MEST: variants seen among roughly 807,000 people sequenced by gnomAD.
The protein encoded by MEST is mesoderm specific transcript.
Under a neutral mutation model 50.9 loss-of-function variants are expected in MEST, and 18 were observed. That is an observed-to-expected ratio of 0.35 (90% CI 0.24 to 0.52). The LOEUF is 0.52. MEST is among the 20% of genes least tolerant of loss of function. The probability of loss-of-function intolerance (pLI) is 0.94; values close to 1 mark genes in which losing one functional copy is unlikely to be tolerated. For synonymous variants in MEST, 130 were observed against 154.1 expected (o/e 0.84, Z 1.16); for missense variants, 282 against 425.3 (o/e 0.66, Z 2.96).
rs1298215544 is a variant in MEST at position 130,506,409 on chromosome 7, G to A, written c.*1353G>A. The A allele has an allele frequency of 6.3e-6, 1 of 159,342 alleles. No homozygotes were observed. Among genetic ancestry groups the A allele is most frequent in the African/African-American group, 2.7e-5 (1 of 36,670 alleles). The allele number at this position is 159,342 out of a possible 1,614,324, so 9.9% of individuals were successfully genotyped here. A position where few individuals can be genotyped will look rare whatever the true frequency, so the allele number is the denominator to read the frequency against. On this transcript the variant is annotated 3_prime_UTR_variant, in exon 12 of 12. Transcript: ENST00000223215. ...AATAAAATGAAGTTAAGCAGCTGGA[G>A]TATAGGATAGTATTTGATTTTCAAG...
Position 130,505,985 on chromosome 7 carries a change from A to AT in MEST, c.*931dup, listed in dbSNP as rs1454982465. On this transcript the variant is annotated 3_prime_UTR_variant, in exon 12 of 12. Coordinates refer to ENST00000223215, the MANE Select transcript of MEST (RefSeq NM_002402.4). ...AAGTCACCATGCTGAATGTACACTG[A>AT]TTCCTTTATGATGACTGCTTAACTC... is the stretch of plus-strand genomic sequence containing the variant. 6.6e-6 allele frequency: 1 copy of AT among 152,572 alleles called. No individual in the cohort carries two copies. The highest frequency in any genetic ancestry group is 1.5e-5 in the Non-Finnish European group (1 of 68,048). 9.5% of individuals were successfully genotyped at this position (152,572 alleles called of 1,614,324 possible).
At chr7:130,502,581 C>A in intron 9 of MEST, 63 bp from the exon 10 acceptor site, 1 of 1,260,098 alleles carries the variant, frequency 7.9e-7, no homozygotes, top group South Asian at 1.2e-5. Context: ...CTCGTTATGC[C>A]CTTGAATCCC....
rs1799089207 is a variant in MEST, at chr7:130,497,073, T to C, written c.182-83T>C. 1 of 1,112,260 alleles carries C rather than the reference T, an allele frequency of 9.0e-7. No individual in the cohort carries two copies. The highest frequency in any genetic ancestry group is 1.6e-5 in the African/African-American group (1 of 63,112). 68.9% of individuals were successfully genotyped at this position (1,112,260 alleles called of 1,614,324 possible). ...TTTGGTCACAGTTGCTTGTTCTTTGTATCAGATTACTTAGATTTTAACATC... is the reference window on the plus strand; with the variant it reads ...TTTGGTCACAGTTGCTTGTTCTTTGCATCAGATTACTTAGATTTTAACATC... On this transcript the variant is annotated intron_variant, in intron 2 of 11. Coordinates refer to ENST00000223215, the MANE Select transcript of MEST (RefSeq NM_002402.4). This position sits in a 1 kb window ranked among gnomAD's most constrained non-coding sequence, Gnocchi z 4.0.
chr7:130,494,833 T>G, intron 1 of MEST: 1 of 985,128 alleles, frequency 1.0e-6, no homozygotes, highest in Non-Finnish European at 1.2e-6. Flanking sequence ...AGTAGCTCTC[T>G]GCTTGAGGAC....
At chr7:130,495,634 A>ATC (rs1198512243) in intron 2 of MEST, 112 bp downstream of exon 2, 2 of 1,122,382 alleles carry the variant, frequency 1.8e-6, no homozygotes, top group Non-Finnish European at 1.3e-6. Flanking sequence ...GGAGGAGAGT[A>ATC]TCTCTCTCTC....
In MEST at chr7:130,497,896, G is replaced by C. The variant is rs781912074; in HGVS notation, c.262-40G>C. 5 of 1,584,362 alleles carry C rather than the reference G, an allele frequency of 3.2e-6. No homozygotes were observed. In the African/African-American group the frequency reaches 6.7e-5, roughly 21 times the overall value. ...ACTGTAGGTCTGGTGAAAGGGAGGG[G>C]CAGGAGCAGAAAGCCCAAATCATCG... On this transcript the variant is annotated intron_variant, in intron 3 of 11. Transcript: ENST00000223215. This position sits in a 1 kb window ranked among gnomAD's most constrained non-coding sequence, Gnocchi z 4.0.
In MEST at chr7:130,505,601, A is replaced by G. The variant is rs1176374733; in HGVS notation, c.*545A>G. The stretch of plus-strand genomic sequence containing the variant: ...TCATCAGCTGTTTTTAGTTATAAAC[A>G]TTTTGTTAAAATAGATATTGGTTTA... On this transcript the variant is annotated 3_prime_UTR_variant, in exon 12 of 12. Coordinates refer to ENST00000223215, the MANE Select transcript of MEST (RefSeq NM_002402.4). 6.6e-6 allele frequency: 1 copy of G among 152,486 alleles called. No homozygotes were observed. The highest frequency in any genetic ancestry group is 2.4e-5 in the African/African-American group (1 of 41,456). 9.4% of individuals were successfully genotyped at this position (152,486 alleles called of 1,614,324 possible).
chr7:130,503,611 C>T (rs545374276), intron 10 of MEST, among the ~76,000 whole-genome samples: 2 of 152,214 alleles, frequency 1.3e-5, no homozygotes, highest in East Asian at 3.9e-4. Flanking sequence ...GAGTTTGGCA[C>T]CACTCTGGGC....
chr7:130,495,580 G>T, intron 2 of MEST, 58 bp downstream of exon 2: 1 of 1,556,566 alleles, frequency 6.4e-7, no homozygotes, highest in Non-Finnish European at 8.8e-7. Flanking sequence ...CCCAGCTGAG[G>T]TATTTATTTT....
upstream of MEST, chr7:130,487,610 C>T (rs1798663609): frequency 6.6e-6 from 1 of 152,232 alleles, no homozygotes; most frequent in Non-Finnish European, 1.5e-5. Flanking sequence ...AAGAGGAACA[C>T]ACCAGTAGCT....
Position 130,506,060 on chromosome 7 carries a change from T to C in MEST, c.*1004T>C, listed in dbSNP as rs1371443434. On this transcript the variant is annotated 3_prime_UTR_variant, in exon 12 of 12. Coordinates refer to ENST00000223215, the MANE Select transcript of MEST (RefSeq NM_002402.4). Reference sequence around the variant, plus strand: ...TTCCAATGTAGCTCAGTAATTCCTGTTACTTTACAGACAGGAAAGTTCCAG... The same window carrying C: ...TTCCAATGTAGCTCAGTAATTCCTGCTACTTTACAGACAGGAAAGTTCCAG... 6.6e-6 allele frequency: 1 copy of C among 152,614 alleles called. No homozygotes were observed. Among genetic ancestry groups the C allele is most frequent in the Non-Finnish European group, 1.5e-5 (1 of 68,050 alleles). 9.5% of individuals were successfully genotyped at this position (152,614 alleles called of 1,614,324 possible).
Position 130,503,949 on chromosome 7 carries a change from G to A in MEST, c.843G>A (p.Gly281=). The A allele has an allele frequency of 6.2e-7, 1 of 1,612,910 alleles. No homozygotes were observed. Among genetic ancestry groups the A allele is most frequent in the Non-Finnish European group, 8.5e-7 (1 of 1,179,060 alleles). ...CTTTTCTAGTTCATTTTATCTATGG[G>A]CCATTGGATCCTGTAAATCCCTATC... The part of the protein sequence containing the change: ...SVTIPIHFIY[G]PLDPVNPYPE... The change falls in exon 11 of 12, where the codon GGG becomes GGA. Residue 281 remains glycine (G), a synonymous_variant. Coordinates refer to ENST00000223215, the MANE Select transcript of MEST (RefSeq NM_002402.4).
chr7:130,500,770 G>A lies in MEST; in HGVS notation c.648-19G>A. 1 of 1,593,028 alleles carries A rather than the reference G, an allele frequency of 6.3e-7. No individual in the cohort carries two copies. The highest frequency in any genetic ancestry group is 8.6e-7 in the Non-Finnish European group (1 of 1,168,760). ...GAGTTCTCCTCACACTTATCTTCCTGCGTTTTGGACTCTTTCAGTCTCACC... is the reference window on the plus strand; with the variant it reads ...GAGTTCTCCTCACACTTATCTTCCTACGTTTTGGACTCTTTCAGTCTCACC... On this transcript the variant is annotated intron_variant, in intron 8 of 11. Coordinates refer to ENST00000223215, the MANE Select transcript of MEST (RefSeq NM_002402.4). This position sits in a 1 kb window ranked among gnomAD's most constrained non-coding sequence, Gnocchi z 5.0.
Position 130,497,979 on chromosome 7 carries a change from T to C in MEST, c.305T>C (p.Leu102Pro). Residue 102 changes from leucine (L) to proline (P), a missense_variant, in exon 4 of 12, where the codon CTT becomes CCT. Physicochemically the swap from Leu to Pro is moderately conservative, Grantham distance 98 (BLOSUM62 -3). Coordinates refer to ENST00000223215, the MANE Select transcript of MEST (RefSeq NM_002402.4). The surrounding 1 kb of genome is among the most constrained non-coding windows in gnomAD (Gnocchi z 4.0). ...LTLRFHRVIA[L>P]DFLGFGFSDK... is the part of the protein sequence containing the mutation. ...TTGAGGTTTCATCGGGTGATTGCCCTTGATTTCTTAGGCTTTGGCTTCAGT... is the reference window on the plus strand; with the variant it reads ...TTGAGGTTTCATCGGGTGATTGCCCCTGATTTCTTAGGCTTTGGCTTCAGT... 6.2e-7 allele frequency: 1 copy of C among 1,614,228 alleles called. No homozygotes were observed. Among genetic ancestry groups the C allele is most frequent in the Non-Finnish European group, 8.5e-7 (1 of 1,180,040 alleles).
In MEST at chr7:130,498,186, G is replaced by A. The variant is rs782327598; in HGVS notation, c.387G>A (p.Ala129=). Residue 129 remains alanine (A), a synonymous_variant, in exon 5 of 12, where the codon GCG becomes GCA. Transcript: ENST00000223215. ...SIFEQASIVE[A]LLRHLGLQNR... is the part of the protein sequence containing the mutation. ...TTGAGCAGGCCAGCATCGTGGAAGC[G>A]CTTTTGCGGCATCTGGGGCTCCAGA... 1.3e-5 allele frequency: 21 copies of A among 1,614,004 alleles called. No homozygotes were observed. The highest frequency in any genetic ancestry group is 1.6e-4 in the Middle Eastern group (1 of 6,084).
rs184335268 is a variant in MEST at position 130,505,283 on chromosome 7, A to G, written c.*227A>G. 2.2e-4 allele frequency: 88 copies of G among 395,782 alleles called. No homozygotes were observed. Among genetic ancestry groups the G allele is most frequent in the African/African-American group, 1.6e-3 (80 of 50,592 alleles). 24.5% of individuals were successfully genotyped at this position (395,782 alleles called of 1,614,324 possible). Reference sequence around the variant, plus strand: ...ATTACTTTGATATCTGATCAAATGTATAGACTTGGCTTTGTTTTTTGTGCT... The same window carrying G: ...ATTACTTTGATATCTGATCAAATGTGTAGACTTGGCTTTGTTTTTTGTGCT... On this transcript the variant is annotated 3_prime_UTR_variant, in exon 12 of 12. Transcript: ENST00000223215.
chr7:130,502,024 A>G (rs1205241523), intron 9 of MEST, among the ~76,000 whole-genome samples: 1 of 151,550 alleles, frequency 6.6e-6, no homozygotes, highest in Non-Finnish European at 1.5e-5. Flanking sequence ...AGTAGATGTC[A>G]ACACAGAAGA....
intron 1 of MEST, chr7:130,494,867 A>C (rs1013921849): frequency 2.0e-6 from 2 of 982,328 alleles, no homozygotes; most frequent in Non-Finnish European, 2.4e-6. Flanking sequence ...CTACACACAC[A>C]CACTCTTTAA....
chr7:130,503,429 T>C (rs531975270), intron 10 of MEST, among the ~76,000 whole-genome samples: 2 of 152,316 alleles, frequency 1.3e-5, no homozygotes, highest in South Asian at 4.1e-4. Flanking sequence ...GTCCAATGAA[T>C]GAACTGGTAC....
Sources: gnomAD v4.1 joint callset for allele counts (sites outside exome capture counted in the v4.1 genomes callset) on GRCh38, gnomAD v4.1.1 for gene constraint, Gnocchi (gnomAD v3.1) non-coding constraint, MANE v1.5 for transcripts, NCBI Gene and HGNC (gene_info 2026-07-23, HGNC 2026-07-21) for gene names.